RBM20: variants seen among roughly 807,000 people sequenced by gnomAD.
The protein encoded by RBM20 is RNA binding motif protein 20, also known as RNA-binding protein 20.
Under a neutral mutation model 110.1 loss-of-function variants are expected in RBM20, and 51 were observed. That is an observed-to-expected ratio of 0.46 (90% CI 0.37 to 0.59). RBM20 has a LOEUF of 0.59. Among genes scored for constraint, RBM20 ranks in the 20% least tolerant of loss-of-function variants. The probability of loss-of-function intolerance (pLI) is 0.00; values close to 1 mark genes in which losing one functional copy is unlikely to be tolerated. For missense variants in RBM20, 1,512 were observed against 1,574.9 expected (o/e 0.96, Z 0.68); for synonymous variants, 589 against 618.2 (o/e 0.95, Z 0.70).
intron 1 of RBM20, among the ~76,000 whole-genome samples, chr10:110,654,589 G>T (rs11195254): frequency 0.37 from 56,037 of 151,510 alleles, 12,159 homozygotes; most frequent in East Asian, 0.59. Flanking sequence ...CTGATGACTT[G>T]CCCTGGTGCC....
In RBM20 at chr10:110,784,231, C is replaced by G. The variant is rs148093210; in HGVS notation, c.1338-110C>G. 4.0e-6 allele frequency: 3 copies of G among 747,466 alleles called. No homozygotes were observed. In the African/African-American group the frequency reaches 5.2e-5, roughly 13 times the overall value. The allele number at this position is 747,466 out of a possible 1,614,324, so 46.3% of individuals were successfully genotyped here. On this transcript the variant is annotated intron_variant, in intron 3 of 13. Coordinates refer to ENST00000369519, the MANE Select transcript of RBM20 (RefSeq NM_001134363.3). ...TTGGGGACAGTTTTTGTTTGAACAC[C>G]TGTTTTCAACTATTTGGGGGTCTGC... is the stretch of plus-strand genomic sequence containing the variant.
intron 1 of RBM20, among the ~76,000 whole-genome samples, chr10:110,764,829 A>G (rs566767233): frequency 6.6e-6 from 1 of 152,358 alleles, no homozygotes; most frequent in African/African-American, 2.4e-5. Context: ...CAGAAAGGTA[A>G]GGTTGCATGA....
intron 1 of RBM20, among the ~76,000 whole-genome samples, chr10:110,773,240 CT>C (rs35991659): frequency 1.3e-5 from 2 of 152,296 alleles, no homozygotes; most frequent in South Asian, 4.1e-4. Context: ...TATTTTCCTG[CT>C]TTTTTTCTAT....
At chr10:110,731,692 G>A (rs997801588) in intron 1 of RBM20, among the ~76,000 whole-genome samples, 2 of 152,088 alleles carry the variant, frequency 1.3e-5, no homozygotes, top group Non-Finnish European at 2.9e-5. Context: ...AATTTTCTGA[G>A]AGTGTGCTAA....
At chr10:110,708,031 A>G (rs569596882) in intron 1 of RBM20, among the ~76,000 whole-genome samples, 1 of 152,344 alleles carries the variant, frequency 6.6e-6, no homozygotes, top group South Asian at 2.1e-4. Context: ...ACCTATAACA[A>G]TAAAAAATTA....
intron 1 of RBM20, among the ~76,000 whole-genome samples, chr10:110,658,689 G>A (rs972027347): frequency 3.3e-5 from 5 of 151,978 alleles, no homozygotes; most frequent in Non-Finnish European, 1.5e-5. Context: ...CTTGCTGGAA[G>A]CCCTGCTGTG....
At chr10:110,797,751 C>A (rs552846607) in intron 6 of RBM20, 103 bp downstream of exon 6, 2 of 1,252,078 alleles carry the variant, frequency 1.6e-6, no homozygotes, top group South Asian at 2.9e-5. Context: ...CATAAAGAGG[C>A]GATGCCGTAG....
chr10:110,836,252 CT>C lies in RBM20; in HGVS notation c.*278del. 3.9e-6 allele frequency: 1 copy of C among 255,042 alleles called. No homozygotes were observed. Among genetic ancestry groups the C allele is most frequent in the Non-Finnish European group, 7.4e-6 (1 of 134,662 alleles). The allele number at this position is 255,042 out of a possible 1,614,324, so 15.8% of individuals were successfully genotyped here. Reference sequence around the variant, plus strand: ...TCAATCTTTCAATTCGTTTTTCTCTCTTTTCCTCTTGTTCTTTCTCTCCCTC... The same window carrying C: ...TCAATCTTTCAATTCGTTTTTCTCTCTTTCCTCTTGTTCTTTCTCTCCCTC... On this transcript the variant is annotated 3_prime_UTR_variant, in exon 14 of 14. Transcript: ENST00000369519.
At chr10:110,648,616 T>C (rs1400472449) in intron 1 of RBM20, among the ~76,000 whole-genome samples, 3 of 152,208 alleles carry the variant, frequency 2.0e-5, no homozygotes, top group Non-Finnish European at 4.4e-5. Flanking sequence ...AGAAGGAATT[T>C]TGAAAATTTT....
intron 1 of RBM20, among the ~76,000 whole-genome samples, chr10:110,771,131 GT>G (rs1039820986): frequency 6.6e-5 from 10 of 152,124 alleles, no homozygotes; most frequent in African/African-American, 2.4e-4. Context: ...GAGCAGGCAT[GT>G]CCATGGATAA....
At chr10:110,656,283 G>A (rs923063255) in intron 1 of RBM20, among the ~76,000 whole-genome samples, 2 of 151,976 alleles carry the variant, frequency 1.3e-5, no homozygotes, top group Non-Finnish European at 2.9e-5. Context: ...ACTCCAGCCT[G>A]GGCAACAAGA....
At chr10:110,816,097 C>T (rs1844834148) in intron 9 of RBM20, among the ~76,000 whole-genome samples, 2 of 152,136 alleles carry the variant, frequency 1.3e-5, no homozygotes, top group South Asian at 2.1e-4. Context: ...GCTGTTCTTC[C>T]AGTGCACCAG....
chr10:110,833,385 T>A (rs1845080930), intron 13 of RBM20, among the ~76,000 whole-genome samples: 1 of 2,286 alleles, frequency 4.4e-4, no homozygotes, highest in Non-Finnish European at 7.7e-3. Context: ...CGAAACTCTG[T>A]CTCAGAAAAA....
chr10:110,737,097 T>C (rs1434751440), intron 1 of RBM20, among the ~76,000 whole-genome samples: 1 of 146,136 alleles, frequency 6.8e-6, no homozygotes, highest in Non-Finnish European at 1.5e-5. Flanking sequence ...GAATCACTTG[T>C]ACCTGGGAGG....
At chr10:110,699,908 G>A (rs777162938) in intron 1 of RBM20, among the ~76,000 whole-genome samples, 1 of 152,084 alleles carries the variant, frequency 6.6e-6, no homozygotes, top group East Asian at 1.9e-4. Flanking sequence ...CTATCATTGA[G>A]GTGGCTACTA....
At chr10:110,744,617 A>T (rs369106660) in intron 1 of RBM20, among the ~76,000 whole-genome samples, 1 of 152,204 alleles carries the variant, frequency 6.6e-6, no homozygotes, top group Non-Finnish European at 1.5e-5. Flanking sequence ...TTGTGTTTGA[A>T]CAAGCCCTCC....
intron 6 of RBM20, among the ~76,000 whole-genome samples, chr10:110,799,121 A>AT (rs1309425623): frequency 6.6e-5 from 10 of 152,148 alleles, no homozygotes; most frequent in South Asian, 2.1e-4. Flanking sequence ...GAGTTCCTGA[A>AT]TTTTTTTATA....
intron 7 of RBM20, among the ~76,000 whole-genome samples, chr10:110,803,670 G>A (rs559959170): frequency 6.6e-6 from 1 of 152,060 alleles, no homozygotes; most frequent in African/African-American, 2.4e-5. Flanking sequence ...AGGTCGCATG[G>A]AATAACAGAT....
intron 11 of RBM20, 49 bp from the exon 12 acceptor site, chr10:110,823,431 C>CTTTTT: frequency 2.3e-6 from 3 of 1,297,380 alleles, no homozygotes; most frequent in African/African-American, 2.1e-5. Flanking sequence ...TGTTGTATTT[C>CTTTTT]TTTTTTTTTT....
Sources: gnomAD v4.1 joint callset for allele counts (sites outside exome capture counted in the v4.1 genomes callset) on GRCh38, gnomAD v4.1.1 for gene constraint, MANE v1.5 for transcripts, NCBI Gene and HGNC (gene_info 2026-07-23, HGNC 2026-07-21) for gene names.